The following THOP1 variants were observed in gnomAD, a reference collection of about 807,000 sequenced individuals.
The protein encoded by THOP1 is thimet oligopeptidase 1, also known as thimet oligopeptidase.
THOP1 carries 49 observed loss-of-function variants against 71.8 expected under a neutral mutation model. That is an observed-to-expected ratio of 0.68 (90% CI 0.54 to 0.87). THOP1 has a LOEUF of 0.87. THOP1 is among the 40% of genes least tolerant of loss of function. The pLI, the probability that THOP1 is intolerant of heterozygous loss-of-function variation, is 0.00. For missense variants in THOP1, 843 were observed against 975.6 expected (o/e 0.86, Z 1.81); for synonymous variants, 426 against 421.5 (o/e 1.01, Z -0.13).
At position 2,806,926 on chromosome 19, in the gene THOP1, G is replaced by C. The variant is rs771666514; in HGVS notation, c.760G>C (p.Ala254Pro). 1 of 1,613,008 alleles carries C rather than the reference G, an allele frequency of 6.2e-7. No individual in the cohort carries two copies. Among genetic ancestry groups the C allele is most frequent in the East Asian group, 2.2e-5 (1 of 44,864 alleles). ...FNCRCKEENCAILKELVTLRA... is the reference protein window; with the variant it reads ...FNCRCKEENCPILKELVTLRA... ...GTGGTGTCGGTTGCAGGAGAACTGCGCTATCCTCAAGGAGCTGGTGACGCT... is the reference window on the plus strand; with the variant it reads ...GTGGTGTCGGTTGCAGGAGAACTGCCCTATCCTCAAGGAGCTGGTGACGCT... The change falls in exon 7 of 13, where the codon GCT (alanine) becomes CCT (proline). Residue 254 changes from alanine (A) to proline (P), a missense_variant. By Grantham distance (27) the Ala-to-Pro change is conservative. Coordinates refer to ENST00000307741, the MANE Select transcript of THOP1 (RefSeq NM_003249.5).
Position 2,813,253 on chromosome 19 carries a change from G to C in THOP1, c.2047G>C (p.Glu683Gln), listed in dbSNP as rs552791878. 2 of 1,609,162 alleles carry C rather than the reference G, an allele frequency of 1.2e-6. No individual in the cohort carries two copies. Among genetic ancestry groups the C allele is most frequent in the East Asian group, 4.5e-5 (2 of 44,708 alleles). ...CAAGGGGCTGCAGGTCGGGGGCTGC[G>C]AGCCCGAGCCGCAGGTCTGCTGAGG... ...LSKGLQVGGCEPEPQVC is the reference protein window; with the variant it reads ...LSKGLQVGGCQPEPQVC Residue 683 changes from glutamate to glutamine, a missense_variant, in exon 13 of 13, where the codon GAG becomes CAG. Transcript: ENST00000307741.
At chr19:2,810,210 C>T (rs1339531913) in intron 9 of THOP1, 94 bp from the exon 10 acceptor site, 139 of 1,460,870 alleles carry the variant, frequency 9.5e-5, no homozygotes, top group Non-Finnish European at 1.2e-4. Context: ...TGTGCACTCG[C>T]CCTGTTTGCA....
chr19:2,804,671 C>A lies in THOP1; in HGVS notation c.590-345C>A. 1 of 211,660 alleles carries A rather than the reference C, an allele frequency of 4.7e-6. No individual in the cohort carries two copies. 13.1% of individuals were successfully genotyped at this position (211,660 alleles called of 1,614,324 possible). On this transcript the variant is annotated intron_variant, in intron 5 of 12. Coordinates refer to ENST00000307741, the MANE Select transcript of THOP1 (RefSeq NM_003249.5). This position sits in a 1 kb window ranked among gnomAD's most constrained non-coding sequence, Gnocchi z 4.7. ...CACACATGAGGTTGGTGACGGCGCC[C>A]TGGAAGCCCACGATGTCCGGGGGTT...
intron 6 of THOP1, 61 bp from the exon 7 acceptor site, chr19:2,806,856 C>T (rs1284999473): frequency 2.5e-6 from 4 of 1,608,122 alleles, no homozygotes; most frequent in Non-Finnish European, 3.4e-6. Flanking sequence ...ACAGGGCGTG[C>T]TGGCCCTGGA....
At chr19:2,796,007 A>T in intron 3 of THOP1, 74 bp from the exon 4 acceptor site, 1 of 1,249,472 alleles carries the variant, frequency 8.0e-7, no homozygotes. Flanking sequence ...TCAGGTTTTT[A>T]AGAAACTGCC....
intron 1 of THOP1, among the ~76,000 whole-genome samples, chr19:2,789,253 C>T (rs1003666692): frequency 1.3e-5 from 2 of 152,096 alleles, no homozygotes; most frequent in African/African-American, 4.8e-5. Context: ...CCTGGACCCT[C>T]TGCAGAACTG....
At chr19:2,802,238 C>T (rs564988082) in intron 5 of THOP1, among the ~76,000 whole-genome samples, 166 of 149,974 alleles carry the variant, frequency 1.1e-3, no homozygotes, top group African/African-American at 4.0e-3. Context: ...GACCCACCCA[C>T]CTCCCAACAC....
In THOP1 at chr19:2,804,178, C is replaced by T. The variant is rs141755501; in HGVS notation, c.590-838C>T. ...CAAGCCTGAGGCACGGTGGCCCTGG[C>T]GTCTCCCGAGCCATGAGGTAGGAAC... On this transcript the variant is annotated intron_variant, in intron 5 of 12. Coordinates refer to ENST00000307741, the MANE Select transcript of THOP1 (RefSeq NM_003249.5). The surrounding 1 kb of genome is among the most constrained non-coding windows in gnomAD (Gnocchi z 4.7). 2.1e-3 allele frequency among the ~76,000 whole-genome samples: 324 copies of T among 152,270 alleles called. 1 individual carries two copies. The highest frequency in any genetic ancestry group is 0.014 in the Middle Eastern group (4 of 294).
rs748189557 is a variant in THOP1 at position 2,796,237 on chromosome 19, G to A, written c.486+49G>A. 7.8e-5 allele frequency: 110 copies of A among 1,415,956 alleles called. No homozygotes were observed. The African/African-American group carries it at 8.3e-4, about 11-fold the overall frequency. 87.7% of individuals were successfully genotyped at this position (1,415,956 alleles called of 1,614,324 possible). A position where few individuals can be genotyped will look rare whatever the true frequency, so the allele number is the denominator to read the frequency against. ...CTGGGCGTGGGCAATGGTCGATCCCGGGGAGTGCTGGGCACAGGGAGTGCT... is the reference window on the plus strand; with the variant it reads ...CTGGGCGTGGGCAATGGTCGATCCCAGGGAGTGCTGGGCACAGGGAGTGCT... On this transcript the variant is annotated intron_variant, in intron 4 of 12. Transcript: ENST00000307741.
At chr19:2,800,270 C>T (rs1217111857) in intron 5 of THOP1, among the ~76,000 whole-genome samples, 1 of 152,240 alleles carries the variant, frequency 6.6e-6, no homozygotes, top group East Asian at 1.9e-4. Flanking sequence ...ACTGCAACCT[C>T]CGTCCCCCGG....
Position 2,811,977 on chromosome 19 carries a change from C to T in THOP1, c.1908+243C>T, listed in dbSNP as rs549773238. ...GGGTGAGCCATCCCGGCCGAGGCAC[C>T]TGCTGGTCTTGGTGCGGTGCTGCCC... On this transcript the variant is annotated intron_variant, in intron 12 of 12. Transcript: ENST00000307741. The T allele has an allele frequency of 4.1e-4, 449 of 1,094,038 alleles. No homozygotes were observed. In the African/African-American group the frequency reaches 6.7e-3, roughly 16 times the overall value. The allele number at this position is 1,094,038 out of a possible 1,614,324, so 67.8% of individuals were successfully genotyped here. A position where few individuals can be genotyped will look rare whatever the true frequency, so the allele number is the denominator to read the frequency against.
chr19:2,791,048 C>G (rs1198615544), intron 2 of THOP1, among the ~76,000 whole-genome samples: 1 of 152,210 alleles, frequency 6.6e-6, no homozygotes, highest in Non-Finnish European at 1.5e-5. Context: ...CCCGGGAAGG[C>G]GGGTATTTGT....
chr19:2,804,982 T>C lies in THOP1; in HGVS notation c.590-34T>C. On this transcript the variant is annotated intron_variant, in intron 5 of 12. Coordinates refer to ENST00000307741, the MANE Select transcript of THOP1 (RefSeq NM_003249.5). This position sits in a 1 kb window ranked among gnomAD's most constrained non-coding sequence, Gnocchi z 4.7. ...TGTGTGCAGGCTGTGGGCCCATCAG[T>C]CCTGTCAAAGCCACCCTGGTTCTGT... The C allele has an allele frequency of 6.3e-7, 1 of 1,596,870 alleles. No homozygotes were observed. Among genetic ancestry groups the C allele is most frequent in the Non-Finnish European group, 8.5e-7 (1 of 1,171,606 alleles).
intron 2 of THOP1, among the ~76,000 whole-genome samples, chr19:2,791,834 G>A (rs1915889650): frequency 2.0e-5 from 3 of 152,148 alleles, no homozygotes; most frequent in Non-Finnish European, 4.4e-5. Context: ...CTCCCCTCGG[G>A]GCCTTTCCGC....
chr19:2,811,592 C>T lies in THOP1; in HGVS notation c.1772-6C>T, dbSNP rs371527087. 4.5e-5 allele frequency: 72 copies of T among 1,611,682 alleles called. No individual in the cohort carries two copies. The highest frequency in any genetic ancestry group is 4.5e-5 in the Non-Finnish European group (53 of 1,179,142). ...CAGCGTGAACCCTGCCATGTGTCCG[C>T]CCCAGGAACCAACATGCCTGCAACC... On this transcript the variant is annotated splice_polypyrimidine_tract_variant and splice_region_variant and intron_variant, in intron 11 of 12. Transcript: ENST00000307741.
rs1352624890 is a variant in THOP1, at chr19:2,805,546, A to C, written c.750+370A>C. 6.6e-6 allele frequency among the ~76,000 whole-genome samples: 1 copy of C among 152,126 alleles called. No individual in the cohort carries two copies. Among genetic ancestry groups the C allele is most frequent in the East Asian group, 1.9e-4 (1 of 5,188 alleles). ...TCTTAAATGATGGTGCCCGGACCTG[A>C]GCCTGGGTCCACAGGTGGGTTGTGA... On this transcript the variant is annotated intron_variant, in intron 6 of 12. Transcript: ENST00000307741. This position sits in a 1 kb window ranked among gnomAD's most constrained non-coding sequence, Gnocchi z 6.6.
rs143181844 is a variant in THOP1 at position 2,796,119 on chromosome 19, G to T, written c.417G>T (p.Ala139=). Residue 139 remains alanine (A), a synonymous_variant, in exon 4 of 13, where the codon GCG becomes GCT. Transcript: ENST00000307741. ...AGGACTCACTGAGGCCCGAGGCTGC[G>T]CGGTACCTGGAGCGGCTAATCAAGC... ...VQKDSLRPEA[A]RYLERLIKLG... is the part of the protein sequence containing the mutation. The T allele has an allele frequency of 6.2e-7, 1 of 1,613,822 alleles. No homozygotes were observed. Among genetic ancestry groups the T allele is most frequent in the Non-Finnish European group, 8.5e-7 (1 of 1,179,990 alleles).
At chr19:2,807,196 C>T in intron 7 of THOP1, 144 bp downstream of exon 7, 4 of 1,273,974 alleles carry the variant, frequency 3.1e-6, no homozygotes, top group Non-Finnish European at 4.2e-6. Flanking sequence ...CTCCCTCACT[C>T]CCCCCGAGGG....
chr19:2,803,362 G>A (rs562850961), intron 5 of THOP1, among the ~76,000 whole-genome samples: 2 of 152,330 alleles, frequency 1.3e-5, no homozygotes, highest in Non-Finnish European at 2.9e-5. Flanking sequence ...CCAGCCACTC[G>A]GGAGGCTGAG....
Sources: gnomAD v4.1 joint callset for allele counts (sites outside exome capture counted in the v4.1 genomes callset) on GRCh38, gnomAD v4.1.1 for gene constraint, Gnocchi (gnomAD v3.1) non-coding constraint, MANE v1.5 for transcripts, NCBI Gene and HGNC (gene_info 2026-07-23, HGNC 2026-07-21) for gene names.